The following SUMF1 variants were observed in gnomAD, a reference collection of about 807,000 sequenced individuals.
The protein encoded by SUMF1 is formylglycine-generating enzyme.
SUMF1 carries 48 observed loss-of-function variants against 47.6 expected under a neutral mutation model. The observed-to-expected ratio is 1.01, with a 90% CI of 0.80 to 1.28. SUMF1 has a LOEUF of 1.28. SUMF1 is among the 50% of genes most tolerant of loss of function. The pLI is 0.00. For synonymous variants in SUMF1, 230 were observed against 192.1 expected, an observed-to-expected ratio of 1.20 and a Z score of -1.63; for missense variants, 571 against 485.4, an observed-to-expected ratio of 1.18 and a Z score of -1.66.
At chr3:4,045,328 C>T (rs541359250) in intron 9 of SUMF1, among the ~76,000 whole-genome samples, 10 of 151,914 alleles carry the variant, frequency 6.6e-5, no homozygotes, top group East Asian at 3.9e-4. Context: ...AATTACCTAG[C>T]GGCCCCCAGT....
chr3:4,385,758 T>C (rs1700651651), intron 7 of SUMF1, among the ~76,000 whole-genome samples: 2 of 152,352 alleles, frequency 1.3e-5, no homozygotes, highest in Non-Finnish European at 2.9e-5. Context: ...TTTAGAGTTT[T>C]GCAGTTTAAA....
intron 3 of SUMF1, among the ~76,000 whole-genome samples, chr3:4,437,577 C>A (rs711646): frequency 0.91 from 138,049 of 152,236 alleles, 63,990 homozygotes; most frequent in Non-Finnish European, 1. Context: ...ACAAAGAATG[C>A]ATTACTTTCA....
At chr3:4,168,585 T>C (rs983879390) in intron 8 of SUMF1, among the ~76,000 whole-genome samples, 7 of 152,222 alleles carry the variant, frequency 4.6e-5, no homozygotes, top group Admixed American at 3.9e-4. Flanking sequence ...ACTTACAGAA[T>C]GTATACTTTT....
intron 8 of SUMF1, among the ~76,000 whole-genome samples, chr3:4,180,700 A>ACACACACACACAC (rs1553606606): frequency 6.6e-6 from 1 of 151,424 alleles, no homozygotes; most frequent in Non-Finnish European, 1.5e-5. Flanking sequence ...ACACACACAC[A>ACACACACACACAC]AAATTAGCCA....
At position 4,222,270 on chromosome 3, in the gene SUMF1, C is replaced by A. The variant is rs183947876; in HGVS notation, c.1015-153525G>T. 5.1e-4 allele frequency among the ~76,000 whole-genome samples: 78 copies of A among 152,100 alleles called. 1 individual carries two copies. The highest frequency in any genetic ancestry group is 2.6e-4 in the Non-Finnish European group (18 of 67,982). On this transcript the variant is annotated intron_variant and NMD_transcript_variant, in intron 8 of 12. Transcript: ENST00000448413. Reference sequence around the variant, plus strand: ...TTATTTTAGCCTTAGAATCTCACCACCTCAAGGAAGCTGCCTTTGGCCAGC... The same window carrying A: ...TTATTTTAGCCTTAGAATCTCACCAACTCAAGGAAGCTGCCTTTGGCCAGC...
intron 8 of SUMF1, among the ~76,000 whole-genome samples, chr3:4,211,307 G>T (rs1246799768): frequency 6.8e-6 from 1 of 146,548 alleles, no homozygotes; most frequent in Non-Finnish European, 1.5e-5. Context: ...TATTTTTCCT[G>T]ATCCTCTCCT....
intron 8 of SUMF1, among the ~76,000 whole-genome samples, chr3:4,332,273 C>A (rs935243856): frequency 6.6e-5 from 10 of 152,198 alleles, no homozygotes; most frequent in African/African-American, 1.9e-4. Flanking sequence ...AATCTCACCT[C>A]CACTTTAGAC....
intron 8 of SUMF1, among the ~76,000 whole-genome samples, chr3:4,124,269 G>T (rs111981411): frequency 2.8e-4 from 42 of 152,238 alleles, no homozygotes; most frequent in African/African-American, 9.6e-4. Flanking sequence ...AATGATAAAA[G>T]CATGCAAATG....
chr3:4,110,956 C>T (rs1693288257), intron 8 of SUMF1, among the ~76,000 whole-genome samples: 1 of 150,400 alleles, frequency 6.6e-6, no homozygotes, highest in African/African-American at 2.5e-5. Context: ...AACTAACCTG[C>T]ATGTTGTGCA....
intron 8 of SUMF1, among the ~76,000 whole-genome samples, chr3:4,074,715 A>G (rs1692380415): frequency 6.6e-6 from 1 of 152,150 alleles, no homozygotes; most frequent in African/African-American, 2.4e-5. Context: ...AAACACCTCT[A>G]TGCAAATAAA....
At chr3:4,456,715 T>TAC (rs1398945444) in intron 1 of SUMF1, among the ~76,000 whole-genome samples, 8 of 137,674 alleles carry the variant, frequency 5.8e-5, no homozygotes, top group African/African-American at 1.9e-4. Flanking sequence ...CGTATATATA[T>TAC]ACATATATAT....
downstream of SUMF1, among the ~76,000 whole-genome samples, chr3:4,357,434 A>T (rs909708369): frequency 6.6e-6 from 1 of 152,046 alleles, no homozygotes; most frequent in Non-Finnish European, 1.5e-5. Context: ...CAAGAGAATT[A>T]GAATACTGGA....
At chr3:4,280,285 G>T (rs1435935260) in intron 8 of SUMF1, among the ~76,000 whole-genome samples, 1 of 152,140 alleles carries the variant, frequency 6.6e-6, no homozygotes, top group African/African-American at 2.4e-5. Context: ...AACCAAAGAT[G>T]TAATCAAGAA....
chr3:4,401,656 G>A (rs1234503428), intron 7 of SUMF1, among the ~76,000 whole-genome samples: 2 of 152,118 alleles, frequency 1.3e-5, no homozygotes, highest in South Asian at 2.1e-4. Flanking sequence ...AATCTCAGAT[G>A]GAAACCCAGG....
chr3:4,179,634 C>A lies in SUMF1; in HGVS notation c.1015-110889G>T, dbSNP rs375226715. On this transcript the variant is annotated intron_variant and NMD_transcript_variant, in intron 8 of 12. Coordinates refer to the SUMF1 transcript ENST00000448413. ...ATACCATTCAGGACATAGGCATGGG[C>A]AAGGACTTCATGACTAAAACACCAA... Among the ~76,000 whole-genome samples the A allele has an allele frequency of 1.3e-4, 20 of 152,186 alleles. No individual in the cohort carries two copies. In the South Asian group the frequency reaches 4.2e-3, roughly 32 times the overall value.
chr3:4,359,318 C>T (rs184554095), downstream of SUMF1, among the ~76,000 whole-genome samples: 134 of 152,258 alleles, frequency 8.8e-4, no homozygotes, highest in African/African-American at 3.0e-3. Flanking sequence ...TGCTCTGTTG[C>T]CCAGGCTGGA....
chr3:4,079,557 T>A (rs960899775), intron 8 of SUMF1, among the ~76,000 whole-genome samples: 3 of 151,956 alleles, frequency 2.0e-5, no homozygotes, highest in African/African-American at 7.3e-5. Flanking sequence ...TGTTTGCTGA[T>A]AGAAACTTGC....
intron 8 of SUMF1, chr3:4,312,911 A>G (rs878967018): frequency 1.9e-6 from 3 of 1,611,634 alleles, no homozygotes; most frequent in South Asian, 2.2e-5. Flanking sequence ...ACTCCTGATC[A>G]TGTAGTTGGA....
intron 3 of SUMF1, among the ~76,000 whole-genome samples, chr3:4,423,334 C>A (rs1245794704): frequency 6.6e-6 from 1 of 151,196 alleles, no homozygotes; most frequent in Admixed American, 6.6e-5. Flanking sequence ...ACTACTCAGC[C>A]ATAAAAGAAT....
Sources: gnomAD v4.1 joint callset for allele counts (sites outside exome capture counted in the v4.1 genomes callset) on GRCh38, gnomAD v4.1.1 for gene constraint, MANE v1.5 for transcripts, NCBI Gene and HGNC (gene_info 2026-07-23, HGNC 2026-07-21) for gene names.